The following LYPD6B variants were observed in gnomAD, a reference collection of about 807,000 sequenced individuals.
The protein encoded by LYPD6B is LY6/PLAUR domain containing 6B.
In LYPD6B, 17 loss-of-function variants were observed where a neutral mutation model predicts 22.8. The observed-to-expected ratio is 0.75, with a 90% CI of 0.51 to 1.12. LYPD6B has a LOEUF of 1.12. Among genes scored for constraint, LYPD6B ranks in the 50% most tolerant of loss-of-function variants. LYPD6B has a pLI of 0.00. For synonymous variants in LYPD6B, 106 were observed against 91.6 expected (o/e 1.16, Z -0.90); for missense variants, 221 against 258.3 (o/e 0.86, Z 0.99).
chr2:149,127,968 A>G (rs1006445360), intron 1 of LYPD6B, among the ~76,000 whole-genome samples: 14 of 151,538 alleles, frequency 9.2e-5, no homozygotes, highest in African/African-American at 3.4e-4. Context: ...TGTCTTCAAA[A>G]TATAGTACTG....
chr2:149,059,458 C>T (rs750828983), intron 1 of LYPD6B, among the ~76,000 whole-genome samples: 5 of 152,162 alleles, frequency 3.3e-5, no homozygotes, highest in Admixed American at 6.5e-5. Flanking sequence ...CAGAGGAAAC[C>T]GTTACGAAAG....
At chr2:149,096,467 G>C (rs1017083216) in intron 1 of LYPD6B, among the ~76,000 whole-genome samples, 2 of 152,122 alleles carry the variant, frequency 1.3e-5, no homozygotes, top group African/African-American at 4.8e-5. Context: ...TATACCCTAT[G>C]GGTTAAATTT....
At chr2:149,075,887 G>T (rs550715450) in intron 1 of LYPD6B, among the ~76,000 whole-genome samples, 2 of 152,284 alleles carry the variant, frequency 1.3e-5, no homozygotes, top group South Asian at 2.1e-4. Flanking sequence ...CTTGTGTTCG[G>T]CAGTGTTGGT....
chr2:149,095,456 C>T (rs1319095902), intron 1 of LYPD6B, among the ~76,000 whole-genome samples: 3 of 151,954 alleles, frequency 2.0e-5, no homozygotes, highest in African/African-American at 7.2e-5. Flanking sequence ...CTGTTTTTTT[C>T]CCCCACATGG....
chr2:149,154,983 G>T (rs1160640186), intron 2 of LYPD6B, among the ~76,000 whole-genome samples: 1 of 152,110 alleles, frequency 6.6e-6, no homozygotes, highest in African/African-American at 2.4e-5. Flanking sequence ...AACTGCATAT[G>T]GAAGCTTTGT....
chr2:149,163,717 T>C (rs1192816756), intron 3 of LYPD6B, among the ~76,000 whole-genome samples: 1 of 152,174 alleles, frequency 6.6e-6, no homozygotes. Flanking sequence ...CCCTGTGTCC[T>C]GGAGTGAAGT....
chr2:149,199,947 A>G (rs1437939071), intron 3 of LYPD6B, among the ~76,000 whole-genome samples: 1 of 152,196 alleles, frequency 6.6e-6, no homozygotes, highest in African/African-American at 2.4e-5. Context: ...CCAGTTGCCA[A>G]CCTGGCCTAA....
intron 2 of LYPD6B, among the ~76,000 whole-genome samples, chr2:149,140,778 T>C (rs1388106398): frequency 6.6e-6 from 1 of 152,238 alleles, no homozygotes; most frequent in Non-Finnish European, 1.5e-5. Flanking sequence ...GCATAAATTC[T>C]TTCTCTCCAT....
intron 1 of LYPD6B, among the ~76,000 whole-genome samples, chr2:149,122,218 T>A (rs1687404232): frequency 6.6e-6 from 1 of 152,126 alleles, no homozygotes; most frequent in East Asian, 1.9e-4. Flanking sequence ...CACTCAGCAC[T>A]GCCGAGATCG....
intron 2 of LYPD6B, among the ~76,000 whole-genome samples, chr2:149,137,733 C>T (rs919377716): frequency 6.6e-6 from 1 of 151,916 alleles, no homozygotes; most frequent in South Asian, 2.1e-4. Context: ...ATAAACAACA[C>T]ATCTGTACTA....
In LYPD6B at chr2:149,147,478, T is replaced by C. The variant is rs1689097027; in HGVS notation, c.6-13286T>C. On this transcript the variant is annotated intron_variant, in intron 2 of 6. Coordinates refer to ENST00000409642, the MANE Select transcript of LYPD6B (RefSeq NM_177964.5). ...AGTCAGATCATACTGTGTGATGCTT[T>C]GTTTGAGGGTTTGTTTGTTTTTTTG... Among the ~76,000 whole-genome samples, 2 of 152,112 alleles carry C rather than the reference T, an allele frequency of 1.3e-5. 1 individual carries two copies. Among genetic ancestry groups the C allele is most frequent in the South Asian group, 4.2e-4 (2 of 4,818 alleles).
intron 3 of LYPD6B, among the ~76,000 whole-genome samples, chr2:149,194,299 AC>A (rs1409948336): frequency 1.3e-5 from 2 of 152,150 alleles, no homozygotes; most frequent in Non-Finnish European, 2.9e-5. Context: ...TGCCTGTAAT[AC>A]CTCTGCTAAA....
intron 1 of LYPD6B, chr2:149,119,048 C>G (rs1687149059): frequency 1.3e-5 from 2 of 152,184 alleles, no homozygotes; most frequent in South Asian, 4.1e-4. Context: ...TATTATTCAG[C>G]TCAGAGAAGT....
chr2:149,178,744 T>G (rs1213206930), intron 3 of LYPD6B, among the ~76,000 whole-genome samples: 1 of 152,212 alleles, frequency 6.6e-6, no homozygotes, highest in African/African-American at 2.4e-5. Context: ...GTGGTATATA[T>G]TCTTCTCTTT....
chr2:149,124,273 A>G (rs1264697835), intron 1 of LYPD6B, among the ~76,000 whole-genome samples: 1 of 152,214 alleles, frequency 6.6e-6, no homozygotes, highest in African/African-American at 2.4e-5. Flanking sequence ...TGGGGCCGAG[A>G]CCAACTACCT....
At chr2:149,168,376 T>C (rs1181197444) in intron 3 of LYPD6B, among the ~76,000 whole-genome samples, 1 of 152,186 alleles carries the variant, frequency 6.6e-6, no homozygotes, top group East Asian at 1.9e-4. Context: ...AACGTTCTCA[T>C]AATCCTCAGT....
chr2:149,046,544 G>A lies in LYPD6B; in HGVS notation c.-67+7743G>A, dbSNP rs1022494974. Among the ~76,000 whole-genome samples the A allele has an allele frequency of 1.8e-4, 27 of 151,522 alleles. No individual in the cohort carries two copies. In the East Asian group the frequency reaches 2.9e-3, roughly 16 times the overall value. The stretch of plus-strand genomic sequence containing the variant: ...ATTTTGTTTTTTGAGATGGGGTCCC[G>A]CTCTGTCACCCAGGCCAGAGTACAG... On this transcript the variant is annotated intron_variant, in intron 1 of 6. Transcript: ENST00000409642.
intron 3 of LYPD6B, among the ~76,000 whole-genome samples, chr2:149,191,517 G>A (rs773081105): frequency 3.9e-5 from 6 of 152,056 alleles, no homozygotes; most frequent in South Asian, 4.1e-4. Flanking sequence ...TGTCTGGACC[G>A]TCTATTCTGT....
chr2:149,052,245 TA>T (rs1396030131), intron 1 of LYPD6B, among the ~76,000 whole-genome samples: 6 of 151,092 alleles, frequency 4.0e-5, no homozygotes. Flanking sequence ...TTAGTAGAGA[TA>T]GGGGTTCACC....
Sources: gnomAD v4.1 joint callset for allele counts (sites outside exome capture counted in the v4.1 genomes callset) on GRCh38, gnomAD v4.1.1 for gene constraint, MANE v1.5 for transcripts, NCBI Gene and HGNC (gene_info 2026-07-23, HGNC 2026-07-21) for gene names.